The following SGIP1 variants were observed in gnomAD, a reference collection of about 807,000 sequenced individuals.
SGIP1 encodes SH3GL interacting endocytic adaptor 1, also known as SH3-containing GRB2-like protein 3-interacting protein 1.
In SGIP1, 38 loss-of-function variants were observed where a neutral mutation model predicts 107.5. The observed-to-expected ratio is 0.35, with a 90% CI of 0.27 to 0.46. The LOEUF is 0.46. SGIP1 is among the 20% of genes least tolerant of loss of function. SGIP1 has a pLI of 1.00. For missense variants in SGIP1, 929 were observed against 1,019.5 expected, an observed-to-expected ratio of 0.91 and a Z score of 1.21; for synonymous variants, 365 against 366.1, an observed-to-expected ratio of 1.00 and a Z score of 0.03.
At chr1:66,615,353 G>T (rs894775504) in intron 1 of SGIP1, among the ~76,000 whole-genome samples, 6 of 151,948 alleles carry the variant, frequency 3.9e-5, no homozygotes, top group African/African-American at 1.5e-4. Flanking sequence ...AACTGTTCTC[G>T]AACTCCTGAC....
chr1:66,697,484 T>C (rs1557667346), intron 18 of SGIP1, among the ~76,000 whole-genome samples: 2 of 152,136 alleles, frequency 1.3e-5, no homozygotes, highest in Non-Finnish European at 2.9e-5. Flanking sequence ...CAAGTTTAAG[T>C]ATAAAGAAGG....
intron 2 of SGIP1, among the ~76,000 whole-genome samples, chr1:66,628,033 T>C (rs890731304): frequency 6.6e-6 from 1 of 152,106 alleles, no homozygotes; most frequent in Admixed American, 6.6e-5. Context: ...TTGCTGAGAA[T>C]GATGGTTTCC....
chr1:66,564,570 T>G (rs2059398701), intron 1 of SGIP1, among the ~76,000 whole-genome samples: 1 of 152,010 alleles, frequency 6.6e-6, no homozygotes, highest in Admixed American at 6.6e-5. Context: ...CTGTGTCATC[T>G]GCCATTTCCT....
chr1:66,584,697 A>G (rs1445770789), intron 1 of SGIP1, among the ~76,000 whole-genome samples: 2 of 152,190 alleles, frequency 1.3e-5, no homozygotes, highest in African/African-American at 4.8e-5. Context: ...TTAACAGGTT[A>G]ATGCACTATG....
chr1:66,703,913 A>G lies in SGIP1; in HGVS notation c.1630+8420A>G, dbSNP rs996241223. ...GTGTGTGTGTATGCGTTTATGCATG[A>G]GCTCTGGAATAAGCCTTCTAGATCT... On this transcript the variant is annotated intron_variant, in intron 18 of 24. Coordinates refer to ENST00000371037, the MANE Select transcript of SGIP1 (RefSeq NM_032291.4). Among the ~76,000 whole-genome samples the G allele has an allele frequency of 9.2e-5, 14 of 151,926 alleles. 1 individual carries two copies. The highest frequency in any genetic ancestry group is 3.4e-4 in the African/African-American group (14 of 41,462).
intron 1 of SGIP1, among the ~76,000 whole-genome samples, chr1:66,579,575 C>T (rs951751779): frequency 4.6e-5 from 7 of 152,126 alleles, no homozygotes; most frequent in East Asian, 1.9e-4. Context: ...TCACATTATT[C>T]GGATTCAATC....
chr1:66,628,056 G>A (rs550825404), intron 2 of SGIP1, among the ~76,000 whole-genome samples: 75 of 152,038 alleles, frequency 4.9e-4, no homozygotes, highest in South Asian at 1.5e-3. Context: ...CTTCATCCAC[G>A]TCCCTACAAA....
chr1:66,565,717 C>T (rs1392733998), intron 1 of SGIP1, among the ~76,000 whole-genome samples: 1 of 151,972 alleles, frequency 6.6e-6, no homozygotes, highest in Non-Finnish European at 1.5e-5. Flanking sequence ...TCTCGCTCCT[C>T]TAAGTTAAAT....
rs933151828 is a variant in SGIP1, at chr1:66,733,619, T to G, written c.1899-129T>G. The stretch of plus-strand genomic sequence containing the variant: ...GAAAACCACACTACTGTTAATAGAT[T>G]CATAATAATCTCTACAAATTGTCAA... On this transcript the variant is annotated intron_variant, in intron 20 of 24. Transcript: ENST00000371037. The G allele has an allele frequency of 2.1e-5, 20 of 930,610 alleles. No individual in the cohort carries two copies. In the African/African-American group the frequency reaches 3.2e-4, roughly 15 times the overall value. 57.6% of individuals were successfully genotyped at this position (930,610 alleles called of 1,614,324 possible). A position where few individuals can be genotyped will look rare whatever the true frequency, so the allele number is the denominator to read the frequency against.
At chr1:66,695,312 G>T in intron 17 of SGIP1, 122 bp from the exon 18 acceptor site, 1 of 1,548,612 alleles carries the variant, frequency 6.5e-7, no homozygotes, top group Non-Finnish European at 8.7e-7. Flanking sequence ...CACGCTAATG[G>T]CATGTAGTGC....
chr1:66,627,523 ACCATGAAAGTTTTTAAG>A (rs1266000585), intron 2 of SGIP1, among the ~76,000 whole-genome samples: 1 of 152,108 alleles, frequency 6.6e-6, no homozygotes, highest in Non-Finnish European at 1.5e-5. Context: ...CCACCTTGAA[ACCATGAAAGTTTTTAAG>A]CCAAAGAGTG....
chr1:66,681,948 A>G lies in SGIP1; in HGVS notation c.894A>G (p.Val298=). 1 of 1,614,206 alleles carries G rather than the reference A, an allele frequency of 6.2e-7. No homozygotes were observed. The highest frequency in any genetic ancestry group is 8.5e-7 in the Non-Finnish European group (1 of 1,180,036). The change falls in exon 15 of 25, where the codon GTA becomes GTG. Residue 298 remains valine (V), a synonymous_variant. Transcript: ENST00000371037. The stretch of plus-strand genomic sequence containing the variant: ...ACTTGGACAGCATTTTTGGGCCAGT[A>G]TTGTCCCCCAAGTCTGTTGCTGTTA... ...INDLDSIFGP[V]LSPKSVAVNA...
chr1:66,660,643 A>C, intron 8 of SGIP1, 119 bp downstream of exon 8: 1 of 1,003,014 alleles, frequency 1.0e-6, no homozygotes, highest in Non-Finnish European at 1.6e-6. Context: ...GAACTTTAAA[A>C]ACAAATCTTT....
chr1:66,749,442 G>GT lies in SGIP1; in HGVS notation c.*6357dup, dbSNP rs10646867. ...ACTCTTTTAATGAGCATTTCATAGG[G>GT]TTTTTTTTTTGCTGTTTTTTTTTCT... On this transcript the variant is annotated 3_prime_UTR_variant, in exon 25 of 25. Coordinates refer to ENST00000371037, the MANE Select transcript of SGIP1 (RefSeq NM_032291.4). 0.046 allele frequency among the ~76,000 whole-genome samples: 6,764 copies of GT among 146,590 alleles called. 417 individuals are homozygous for GT. The highest frequency in any genetic ancestry group is 0.14 in the African/African-American group (5,691 of 40,090).
intron 20 of SGIP1, 59 bp from the exon 21 acceptor site, chr1:66,733,689 T>C (rs2094116829): frequency 2.6e-6 from 4 of 1,567,506 alleles, no homozygotes; most frequent in East Asian, 2.3e-5. Flanking sequence ...AGATGCTTCG[T>C]GTAGGGTTTA....
intron 1 of SGIP1, among the ~76,000 whole-genome samples, chr1:66,548,974 A>G (rs1017812271): frequency 1.3e-5 from 2 of 152,170 alleles, no homozygotes; most frequent in African/African-American, 4.8e-5. Context: ...TTCCTTTGGG[A>G]CAGGAACAGG....
intron 7 of SGIP1, among the ~76,000 whole-genome samples, chr1:66,655,876 A>G (rs577429975): frequency 1.7e-4 from 26 of 152,296 alleles, no homozygotes; most frequent in Admixed American, 5.9e-4. Context: ...TAAACACTGT[A>G]CAATTAGGCT....
chr1:66,701,592 A>G (rs1321870330), intron 18 of SGIP1, among the ~76,000 whole-genome samples: 1 of 152,226 alleles, frequency 6.6e-6, no homozygotes, highest in Non-Finnish European at 1.5e-5. Context: ...TAAGAAGATT[A>G]AAGTGGAGCT....
intron 12 of SGIP1, among the ~76,000 whole-genome samples, chr1:66,673,645 G>A (rs551862654): frequency 4.0e-4 from 61 of 152,176 alleles, no homozygotes; most frequent in African/African-American, 6.5e-4. Flanking sequence ...CACAAATCCC[G>A]GTCATGGAGT....
Sources: allele counts gnomAD v4.1 joint callset (sites outside exome capture counted in the v4.1 genomes callset), GRCh38; gene constraint gnomAD v4.1.1; transcripts MANE v1.5; gene names NCBI Gene and HGNC (gene_info 2026-07-23, HGNC 2026-07-21).